Variants in DGKG observed in about 807,000 individuals in gnomAD.
DGKG encodes diacylglycerol kinase gamma, also known as DAG kinase gamma.
Under a neutral mutation model 105.3 loss-of-function variants are expected in DGKG, and 78 were observed. The observed-to-expected ratio is 0.74, with a 90% CI of 0.62 to 0.89. DGKG has a LOEUF of 0.89. Among genes scored for constraint, DGKG ranks in the 40% least tolerant of loss-of-function variants. The pLI is 0.00. For missense variants in DGKG, 958 were observed against 1,020.1 expected (o/e 0.94, Z 0.83); for synonymous variants, 346 against 367.1 (o/e 0.94, Z 0.66).
chr3:186,261,563 G>T, intron 15 of DGKG, 136 bp downstream of exon 15: 1 of 703,142 alleles, frequency 1.4e-6, no homozygotes, highest in Non-Finnish European at 2.6e-6. Context: ...ACTTGGGCCA[G>T]GTCATAAAGT....
intron 21 of DGKG, among the ~76,000 whole-genome samples, chr3:186,198,104 T>C (rs1377418350): frequency 6.6e-6 from 1 of 152,196 alleles, no homozygotes; most frequent in Admixed American, 6.5e-5. Flanking sequence ...ATATAACTAT[T>C]TGTGAGTTGA....
chr3:186,199,976 G>C (rs905180158), intron 21 of DGKG, among the ~76,000 whole-genome samples: 4 of 152,158 alleles, frequency 2.6e-5, no homozygotes, highest in Non-Finnish European at 5.9e-5. Flanking sequence ...CTTACAGAGT[G>C]CATGCTCCCG....
chr3:186,349,434 A>G (rs755060596), intron 1 of DGKG, among the ~76,000 whole-genome samples: 5 of 152,204 alleles, frequency 3.3e-5, no homozygotes, highest in Non-Finnish European at 7.3e-5. Flanking sequence ...GCAAAGTTTC[A>G]CAATCTCAGA....
intron 24 of DGKG, among the ~76,000 whole-genome samples, chr3:186,156,670 T>A (rs1341395554): frequency 6.6e-6 from 1 of 152,066 alleles, no homozygotes; most frequent in East Asian, 1.9e-4. Flanking sequence ...TCCTTTTTTT[T>A]TTTCTTTATT....
chr3:186,306,454 C>G (rs1300368357), intron 3 of DGKG, among the ~76,000 whole-genome samples: 1 of 151,744 alleles, frequency 6.6e-6, no homozygotes, highest in Non-Finnish European at 1.5e-5. Context: ...GAAGCAATGC[C>G]TGTAAGTAGG....
chr3:186,301,513 G>A (rs901415866), intron 3 of DGKG, among the ~76,000 whole-genome samples: 2 of 152,146 alleles, frequency 1.3e-5, no homozygotes, highest in Non-Finnish European at 2.9e-5. Context: ...TGTAGTCCCA[G>A]CTACTCGGGA....
chr3:186,322,969 C>G (rs1031695914), intron 1 of DGKG, among the ~76,000 whole-genome samples: 9 of 152,190 alleles, frequency 5.9e-5, no homozygotes, highest in African/African-American at 2.2e-4. Context: ...ACTGTGTGCT[C>G]CCTCTTGTCC....
In DGKG at chr3:186,228,659, C is replaced by G. The variant is rs113274309; in HGVS notation, c.1826+13845G>C. On this transcript the variant is annotated intron_variant, in intron 20 of 24. Coordinates refer to ENST00000265022, the MANE Select transcript of DGKG (RefSeq NM_001346.3). ...CTCACACTTCAGCCCTTCTCCCATA[C>G]TGCTTCCCTCCTCCTAGCATTTCCC... 1.3e-5 allele frequency among the ~76,000 whole-genome samples: 2 copies of G among 152,210 alleles called. 1 individual carries two copies. The highest frequency in any genetic ancestry group is 2.9e-5 in the Non-Finnish European group (2 of 68,044).
chr3:186,297,057 G>GTCTCTCTC (rs1311301538), intron 5 of DGKG, among the ~76,000 whole-genome samples: 1 of 80,918 alleles, frequency 1.2e-5, no homozygotes, highest in Non-Finnish European at 2.5e-5. Context: ...CTGTCTGTCT[G>GTCTCTCTC]TCTGTCTCTC....
chr3:186,292,730 G>A (rs564722301), intron 5 of DGKG, among the ~76,000 whole-genome samples: 8 of 152,108 alleles, frequency 5.3e-5, no homozygotes, highest in Non-Finnish European at 1.2e-4. Flanking sequence ...GGAGGCAGAG[G>A]TCGGGAGGCA....
intron 22 of DGKG, among the ~76,000 whole-genome samples, chr3:186,174,081 G>C (rs576598234): frequency 2.0e-5 from 3 of 152,170 alleles, no homozygotes; most frequent in Admixed American, 2.0e-4. Context: ...CACGAGCTTC[G>C]GACAGAGTTG....
Position 186,149,591 on chromosome 3 carries a change from C to G in DGKG, c.*499G>C. 1.0e-6 allele frequency: 1 copy of G among 985,902 alleles called. No individual in the cohort carries two copies. The highest frequency in any genetic ancestry group is 1.2e-6 in the Non-Finnish European group (1 of 830,084). 61.1% of individuals were successfully genotyped at this position (985,902 alleles called of 1,614,324 possible). On this transcript the variant is annotated 3_prime_UTR_variant, in exon 25 of 25. Transcript: ENST00000265022. ...CTGCTGAGCCCTGCCAAGGATTATG[C>G]TCTGAGAGCCGGAGGCCGTTTTGTC...
At chr3:186,302,485 T>C (rs1485452800) in intron 3 of DGKG, among the ~76,000 whole-genome samples, 1 of 8,786 alleles carries the variant, frequency 1.1e-4, no homozygotes, top group Non-Finnish European at 2.4e-4. Context: ...TATATATATA[T>C]ATATATATAT....
intron 21 of DGKG, among the ~76,000 whole-genome samples, chr3:186,211,210 C>G (rs780019196): frequency 2.2e-4 from 33 of 152,220 alleles, no homozygotes; most frequent in Non-Finnish European, 4.3e-4. Flanking sequence ...TCAAGGATTT[C>G]AAGACAGTGA....
chr3:186,265,657 C>CTTTTTTTTTTTTTTTTTTTTTTT (rs68014632), intron 13 of DGKG, among the ~76,000 whole-genome samples: 1 of 77,378 alleles, frequency 1.3e-5, no homozygotes, highest in African/African-American at 5.1e-5. Flanking sequence ...TTCTTCCTTT[C>CTTTTTTTTTTTTTTTTTTTTTTT]TTTTTTTTTT....
intron 13 of DGKG, among the ~76,000 whole-genome samples, chr3:186,265,657 C>CTTTTTTTTTTTTTTTTTTTTTTTTTTTTT (rs68014632): frequency 1.3e-5 from 1 of 77,378 alleles, no homozygotes. Flanking sequence ...TTCTTCCTTT[C>CTTTTTTTTTTTTTTTTTTTTTTTTTTTTT]TTTTTTTTTT....
At chr3:186,320,262 A>T in intron 2 of DGKG, 131 bp downstream of exon 2, 1 of 1,059,340 alleles carries the variant, frequency 9.4e-7, no homozygotes, top group South Asian at 1.8e-5. Flanking sequence ...TGTGTTTATA[A>T]GGAAATATAA....
In DGKG at chr3:186,229,364, C is replaced by A. The variant is rs186069806; in HGVS notation, c.1826+13140G>T. Among the ~76,000 whole-genome samples, 8 of 152,164 alleles carry A rather than the reference C, an allele frequency of 5.3e-5. No homozygotes were observed. The East Asian group carries it at 1.4e-3, about 26-fold the overall frequency. ...CAAGTGATTCGCATGCCTCAGCCTCCCAAGTAGCTGGGATTACAGGTGCCC... is the reference window on the plus strand; with the variant it reads ...CAAGTGATTCGCATGCCTCAGCCTCACAAGTAGCTGGGATTACAGGTGCCC... On this transcript the variant is annotated intron_variant, in intron 20 of 24. Coordinates refer to ENST00000265022, the MANE Select transcript of DGKG (RefSeq NM_001346.3).
chr3:186,272,567 C>T (rs1722367776), intron 10 of DGKG, among the ~76,000 whole-genome samples: 1 of 152,246 alleles, frequency 6.6e-6, no homozygotes, highest in Admixed American at 6.5e-5. Flanking sequence ...CCACCTGCTT[C>T]ACTGCCTTCC....
Sources: allele counts gnomAD v4.1 joint callset (sites outside exome capture counted in the v4.1 genomes callset), GRCh38; gene constraint gnomAD v4.1.1; transcripts MANE v1.5; gene names NCBI Gene and HGNC (gene_info 2026-07-23, HGNC 2026-07-21).